CHST12: variants seen among roughly 807,000 people sequenced by gnomAD.
CHST12 encodes the protein carbohydrate (chondroitin 4) sulfotransferase 12.
CHST12 carries 23 observed loss-of-function variants against 27.9 expected under a neutral mutation model. That is an observed-to-expected ratio of 0.82 (90% confidence interval 0.59 to 1.17). CHST12 has a LOEUF of 1.17. CHST12 is among the 50% of genes most tolerant of loss of function. The pLI is 0.00. For synonymous variants in CHST12, 322 were observed against 273.0 expected (o/e 1.18, Z -1.77); for missense variants, 682 against 603.0 (o/e 1.13, Z -1.37).
Position 2,433,876 on chromosome 7 carries a change from C to A in CHST12, c.1237C>A (p.Arg413=). ...CTACCCCAAGCCCGAAAACCTCCTCCGAGACTGAAAGCTTTCGCGTTGCTT... is the reference window on the plus strand; with the variant it reads ...CTACCCCAAGCCCGAAAACCTCCTCAGAGACTGAAAGCTTTCGCGTTGCTT... The part of the protein sequence containing the change: ...FGYPKPENLL[R]D Residue 413 remains arginine (R), a synonymous_variant, in exon 2 of 2, where the codon CGA becomes AGA. Transcript: ENST00000618655. The surrounding 1 kb of genome is among the most constrained non-coding windows in gnomAD (Gnocchi z 6.1). 1.9e-6 allele frequency: 3 copies of A among 1,566,792 alleles called. No homozygotes were observed. The highest frequency in any genetic ancestry group is 1.7e-6 in the Non-Finnish European group (2 of 1,152,522).
rs373856352 is a variant in CHST12, at chr7:2,433,437, C to T, written c.798C>T (p.Phe266=). Reference sequence around the variant, plus strand: ...AGTTCGAGCTGGAGAACGAGGAGTTCTACCGCAAGTTCGCCGTGCCCATGC... The same window carrying T: ...AGTTCGAGCTGGAGAACGAGGAGTTTTACCGCAAGTTCGCCGTGCCCATGC... ...RSKFELENEE[F]YRKFAVPMLR... Residue 266 remains phenylalanine, a synonymous_variant, in exon 2 of 2, where the codon TTC becomes TTT. Transcript: ENST00000618655. This position sits in a 1 kb window ranked among gnomAD's most constrained non-coding sequence, Gnocchi z 6.1. 1.4e-4 allele frequency: 226 copies of T among 1,609,922 alleles called. No individual in the cohort carries two copies. The highest frequency in any genetic ancestry group is 6.6e-4 in the Middle Eastern group (4 of 6,062).
At chr7:2,429,634 A>G (rs1489225428) in intron 1 of CHST12, among the ~76,000 whole-genome samples, 1 of 152,182 alleles carries the variant, frequency 6.6e-6, no homozygotes, top group East Asian at 1.9e-4. Context: ...GGTCTGTTTC[A>G]TCTAGGTTGC....
At position 2,447,314 on chromosome 7, in the gene CHST12, T is replaced by A. The variant is rs1363146220; in HGVS notation, c.*13430T>A. On this transcript the variant is annotated 3_prime_UTR_variant, in exon 2 of 2. Transcript: ENST00000618655. ...TCCTCTTACATCAGCAAACCTTCTG[T>A]TCGGTGACCCCCTCAGTGACCCTCT... The A allele has an allele frequency of 1.3e-5, 2 of 152,268 alleles. No homozygotes were observed. Among genetic ancestry groups the A allele is most frequent in the Non-Finnish European group, 2.9e-5 (2 of 68,100 alleles). The allele number at this position is 152,268 out of a possible 1,614,324, so 9.4% of individuals were successfully genotyped here. A position where few individuals can be genotyped will look rare whatever the true frequency, so the allele number is the denominator to read the frequency against.
Position 2,434,112 on chromosome 7 carries a change from AC to A in CHST12, c.*231del. 1 of 345,176 alleles carries A rather than the reference AC, an allele frequency of 2.9e-6. No individual in the cohort carries two copies. The highest frequency in any genetic ancestry group is 5.2e-6 in the Non-Finnish European group (1 of 193,568). The allele number at this position is 345,176 out of a possible 1,614,324, so 21.4% of individuals were successfully genotyped here. On this transcript the variant is annotated 3_prime_UTR_variant, in exon 2 of 2. Coordinates refer to ENST00000618655, the MANE Select transcript of CHST12 (RefSeq NM_018641.5). ...TATCCCCTCTCCCCTCCGCCCGCCC[AC>A]CCGCCCGCCCGCTCGCCCGCTCGCC...
intron 1 of CHST12, among the ~76,000 whole-genome samples, chr7:2,411,723 C>G (rs1397324711): frequency 6.6e-6 from 1 of 152,130 alleles, no homozygotes; most frequent in Non-Finnish European, 1.5e-5. Flanking sequence ...CTCAGGTGAT[C>G]CACCCAGCTT....
chr7:2,413,762 T>C (rs1327084866), intron 1 of CHST12, among the ~76,000 whole-genome samples: 1 of 132,842 alleles, frequency 7.5e-6, no homozygotes, highest in Non-Finnish European at 1.6e-5. Context: ...AGAGTCTCCC[T>C]CTGTCGCCCA....
rs976066047 is a variant in CHST12, at chr7:2,443,503, CG to C, written c.*9621del. The C allele has an allele frequency of 6.6e-6, 1 of 152,198 alleles. No homozygotes were observed. The highest frequency in any genetic ancestry group is 2.4e-5 in the African/African-American group (1 of 41,410). 9.4% of individuals were successfully genotyped at this position (152,198 alleles called of 1,614,324 possible). A position where few individuals can be genotyped will look rare whatever the true frequency, so the allele number is the denominator to read the frequency against. On this transcript the variant is annotated 3_prime_UTR_variant, in exon 2 of 2. Transcript: ENST00000618655. ...CTGGTGCCAAAAAGGTTGGGGACCG[CG>C]GCTCTGGAGTATATGCCTAGGAGTA... is the stretch of plus-strand genomic sequence containing the variant.
rs1309827711 is a variant in CHST12 at position 2,419,357 on chromosome 7, C to T, written c.-77-13206C>T. On this transcript the variant is annotated intron_variant, in intron 1 of 1. Coordinates refer to ENST00000618655, the MANE Select transcript of CHST12 (RefSeq NM_018641.5). ...GGGAGGTTGCAGTGAGCCAAGATCA[C>T]GCCACTGCACTCAAGTCTGAATGAT... is the stretch of plus-strand genomic sequence containing the variant. 3.6e-5 allele frequency among the ~76,000 whole-genome samples: 5 copies of T among 139,656 alleles called. No individual in the cohort carries two copies. The East Asian group carries it at 6.4e-4, about 18-fold the overall frequency. The allele number at this position is 139,656 out of a possible 152,430, so 91.6% of individuals were successfully genotyped here.
At chr7:2,429,885 C>T (rs62444202) in intron 1 of CHST12, among the ~76,000 whole-genome samples, 5,840 of 151,988 alleles carry the variant, frequency 0.038, 139 homozygotes, top group Middle Eastern at 0.085. Flanking sequence ...TGGGCTCAAG[C>T]GATCCTCCTG....
rs141011969 is a variant in CHST12, at chr7:2,442,991, G to A, written c.*9107G>A. The A allele has an allele frequency of 0.016, 2,383 of 151,518 alleles. 42 individuals are homozygous for A. The highest frequency in any genetic ancestry group is 0.027 in the Non-Finnish European group (1,814 of 67,836). 9.4% of individuals were successfully genotyped at this position (151,518 alleles called of 1,614,324 possible). On this transcript the variant is annotated 3_prime_UTR_variant, in exon 2 of 2. Transcript: ENST00000618655. Reference sequence around the variant, plus strand: ...GGCTGGAGTGCAGTGGCATGATCTCGGCTCACTGCAACCCCTGCTTCCTGG... The same window carrying A: ...GGCTGGAGTGCAGTGGCATGATCTCAGCTCACTGCAACCCCTGCTTCCTGG...
At chr7:2,428,314 C>A (rs1026865805) in intron 1 of CHST12, among the ~76,000 whole-genome samples, 27 of 151,946 alleles carry the variant, frequency 1.8e-4, no homozygotes, top group Non-Finnish European at 3.7e-4. Context: ...CCTGCCTCAG[C>A]CTCCTGAGTA....
In CHST12 at chr7:2,432,717, G is replaced by A; in HGVS notation, c.78G>A (p.Trp26Ter). 1 of 1,613,954 alleles carries A rather than the reference G, an allele frequency of 6.2e-7. No homozygotes were observed. The highest frequency in any genetic ancestry group is 1.3e-5 in the African/African-American group (1 of 75,046). Reference sequence around the variant, plus strand: ...TGATCCTGCTGATCATCGTGTACTGGGACAGCGCAGGCGCCGCGCACTTCT... The same window carrying A: ...TGATCCTGCTGATCATCGTGTACTGAGACAGCGCAGGCGCCGCGCACTTCT... ...VFMILLIIVY[W>*]DSAGAAHFYL... The change falls in exon 2 of 2, where the codon TGG (tryptophan) becomes TGA (stop). Residue 26 changes from tryptophan to a stop codon, truncating the protein, a stop_gained. Transcript: ENST00000618655. LOFTEE classifies it high-confidence loss of function.
chr7:2,417,118 C>T (rs1042711921), intron 1 of CHST12, among the ~76,000 whole-genome samples: 8 of 151,976 alleles, frequency 5.3e-5, no homozygotes, highest in African/African-American at 1.5e-4. Flanking sequence ...AAATTCAGAC[C>T]CTGGAGAGCC....
chr7:2,432,541 T>C, intron 1 of CHST12, 22 bp from the exon 2 acceptor site: 4 of 1,321,756 alleles, frequency 3.0e-6, no homozygotes, highest in Non-Finnish European at 1.0e-6. Flanking sequence ...AGTCATTAAC[T>C]AGTGTGTCAT....
intron 1 of CHST12, among the ~76,000 whole-genome samples, chr7:2,415,863 C>G (rs1034607933): frequency 8.5e-5 from 13 of 152,182 alleles, no homozygotes. Flanking sequence ...ATCCGCGCAC[C>G]TCAGCCTCCC....
At chr7:2,405,680 T>G (rs1482731041) in intron 1 of CHST12, among the ~76,000 whole-genome samples, 2 of 152,118 alleles carry the variant, frequency 1.3e-5, no homozygotes, top group Non-Finnish European at 2.9e-5. Flanking sequence ...TGAAAGATGT[T>G]GCCAAATCCA....
rs1554282401 is a variant in CHST12, at chr7:2,434,118, C to CCGCCCGCCCGCCCGCT, written c.*241_*242insCCGCCCGCTCGCCCGC. The CCGCCCGCCCGCCCGCT allele has an allele frequency of 1.6e-4, 58 of 353,738 alleles. No individual in the cohort carries two copies. The highest frequency in any genetic ancestry group is 8.2e-4 in the Middle Eastern group (1 of 1,214). 21.9% of individuals were successfully genotyped at this position (353,738 alleles called of 1,614,324 possible). On this transcript the variant is annotated 3_prime_UTR_variant, in exon 2 of 2. Transcript: ENST00000618655. ...CTCTCCCCTCCGCCCGCCCACCCGC[C>CCGCCCGCCCGCCCGCT]CGCCCGCTCGCCCGCTCGCCCGCTC...
At position 2,433,899 on chromosome 7, in the gene CHST12, C is replaced by G; in HGVS notation, c.*15C>G. The G allele has an allele frequency of 1.9e-6, 3 of 1,544,240 alleles. No homozygotes were observed. The highest frequency in any genetic ancestry group is 2.6e-6 in the Non-Finnish European group (3 of 1,143,638). On this transcript the variant is annotated 3_prime_UTR_variant, in exon 2 of 2. Coordinates refer to ENST00000618655, the MANE Select transcript of CHST12 (RefSeq NM_018641.5). The surrounding 1 kb of genome is among the most constrained non-coding windows in gnomAD (Gnocchi z 6.1). ...TCCGAGACTGAAAGCTTTCGCGTTG[C>G]TTTTTCTCGCGTGCCTGGAACCTGA...
At chr7:2,429,492 G>A (rs949832213) in intron 1 of CHST12, among the ~76,000 whole-genome samples, 2 of 152,142 alleles carry the variant, frequency 1.3e-5, no homozygotes, top group African/African-American at 4.8e-5. Flanking sequence ...TTCTTTGAAT[G>A]TTTGATAGAA....
Sources: gnomAD v4.1 joint callset for allele counts (sites outside exome capture counted in the v4.1 genomes callset) on GRCh38, gnomAD v4.1.1 for gene constraint, Gnocchi (gnomAD v3.1) non-coding constraint, MANE v1.5 for transcripts, NCBI Gene and HGNC (gene_info 2026-07-23, HGNC 2026-07-21) for gene names.